C14orf132: variants seen among roughly 807,000 people sequenced by gnomAD.
C14orf132 encodes chromosome 14 open reading frame 132, also known as uncharacterized protein C14orf132.
C14orf132 carries 6 observed loss-of-function variants against 5.8 expected under a neutral mutation model. The observed-to-expected ratio is 1.03, with a 90% confidence interval of 0.57 to 2.04. C14orf132 has a LOEUF of 2.04. C14orf132 is among the 30% of genes most tolerant of loss of function. C14orf132 has a pLI of 0.00. For missense variants in C14orf132, 125 were observed against 115.8 expected, an observed-to-expected ratio of 1.08 and a Z score of -0.37; for synonymous variants, 51 against 49.8, an observed-to-expected ratio of 1.02 and a Z score of -0.10.
chr14:96,065,571 C>G (rs2139663705), intron 1 of C14orf132, among the ~76,000 whole-genome samples: 1 of 152,016 alleles, frequency 6.6e-6, no homozygotes, highest in East Asian at 1.9e-4. Flanking sequence ...CACCCCCCAC[C>G]ACTTTCCCCT....
At position 96,090,776 on chromosome 14, in the gene C14orf132, T is replaced by C. The variant is rs998908269; in HGVS notation, c.*4041T>C. 4.6e-5 allele frequency: 21 copies of C among 456,080 alleles called. No homozygotes were observed. The highest frequency in any genetic ancestry group is 3.8e-4 in the African/African-American group (19 of 50,206). The allele number at this position is 456,080 out of a possible 1,614,324, so 28.3% of individuals were successfully genotyped here. ...TCCAGCCCCGGTTCAGCTGGAAGGC[T>C]TGGAGGCTGGCCAGACCACTCTGGC... On this transcript the variant is annotated 3_prime_UTR_variant, in exon 2 of 2. Coordinates refer to ENST00000555004, the MANE Select transcript of C14orf132 (RefSeq NM_001252507.3).
intron 1 of C14orf132, among the ~76,000 whole-genome samples, chr14:96,046,072 C>T (rs2139642825): frequency 1.3e-5 from 2 of 152,358 alleles, no homozygotes; most frequent in East Asian, 3.9e-4. Flanking sequence ...TTGCATGGTG[C>T]TGGCTCCCCC....
In C14orf132 at chr14:96,091,021, A is replaced by G. The variant is rs923666871; in HGVS notation, c.*4286A>G. 8.8e-6 allele frequency: 4 copies of G among 456,004 alleles called. No homozygotes were observed. Among genetic ancestry groups the G allele is most frequent in the African/African-American group, 8.0e-5 (4 of 50,080 alleles). 28.2% of individuals were successfully genotyped at this position (456,004 alleles called of 1,614,324 possible). On this transcript the variant is annotated 3_prime_UTR_variant, in exon 2 of 2. Transcript: ENST00000555004. Reference sequence around the variant, plus strand: ...TATTTGTGTCTCATTTACTTCTCAAATTGCCCCTGGGGGCAGGAATGAGGA... The same window carrying G: ...TATTTGTGTCTCATTTACTTCTCAAGTTGCCCCTGGGGGCAGGAATGAGGA...
intron 1 of C14orf132, among the ~76,000 whole-genome samples, chr14:96,048,297 A>G (rs1410808608): frequency 1.3e-5 from 2 of 152,188 alleles, no homozygotes; most frequent in Non-Finnish European, 2.9e-5. Flanking sequence ...GATCCACGTT[A>G]TAGACAGTAT....
chr14:96,051,155 A>T, intron 1 of C14orf132: 1 of 398,674 alleles, frequency 2.5e-6, no homozygotes, highest in Middle Eastern at 6.3e-4. Flanking sequence ...ACAAGTGAGG[A>T]TGCCAAATCA....
At chr14:96,052,808 T>C (rs1041718313) in intron 1 of C14orf132, among the ~76,000 whole-genome samples, 8 of 152,038 alleles carry the variant, frequency 5.3e-5, no homozygotes, top group African/African-American at 1.9e-4. Flanking sequence ...TTCTGCGCAG[T>C]ACCCTCTTCT....
chr14:96,062,195 A>G (rs962288724), intron 1 of C14orf132, among the ~76,000 whole-genome samples: 5 of 152,052 alleles, frequency 3.3e-5, no homozygotes, highest in African/African-American at 1.2e-4. Flanking sequence ...AGTCCCTGCC[A>G]TGTGCATATG....
chr14:96,060,801 G>T (rs528387354), intron 1 of C14orf132, among the ~76,000 whole-genome samples: 1 of 152,270 alleles, frequency 6.6e-6, no homozygotes, highest in South Asian at 2.1e-4. Context: ...GTCTAAAGAG[G>T]AATAAATCCC....
chr14:96,070,167 G>A (rs1887662173), intron 1 of C14orf132, among the ~76,000 whole-genome samples: 1 of 152,214 alleles, frequency 6.6e-6, no homozygotes. Context: ...ACAAATGAGG[G>A]TTTTCCGCTG....
chr14:96,078,935 C>A (rs1463863144), intron 1 of C14orf132, among the ~76,000 whole-genome samples: 1 of 152,248 alleles, frequency 6.6e-6, no homozygotes, highest in Non-Finnish European at 1.5e-5. Context: ...GGGGCTTCAG[C>A]CCTCCCCGTC....
In C14orf132 at chr14:96,090,125, G is replaced by A. The variant is rs1404464015; in HGVS notation, c.*3390G>A. 6.4e-6 allele frequency: 1 copy of A among 157,400 alleles called. No individual in the cohort carries two copies. Among genetic ancestry groups the A allele is most frequent in the African/African-American group, 2.4e-5 (1 of 41,448 alleles). The allele number at this position is 157,400 out of a possible 1,614,324, so 9.8% of individuals were successfully genotyped here. A position where few individuals can be genotyped will look rare whatever the true frequency, so the allele number is the denominator to read the frequency against. Reference sequence around the variant, plus strand: ...GATTCAAAAGAGCAACTTAGGCTGGGTGCAGTGACTCACACCCGTAATCCC... The same window carrying A: ...GATTCAAAAGAGCAACTTAGGCTGGATGCAGTGACTCACACCCGTAATCCC... On this transcript the variant is annotated 3_prime_UTR_variant, in exon 2 of 2. Transcript: ENST00000555004.
At chr14:96,053,788 G>A (rs1175672863) in intron 1 of C14orf132, among the ~76,000 whole-genome samples, 8 of 152,154 alleles carry the variant, frequency 5.3e-5, no homozygotes, top group Non-Finnish European at 7.3e-5. Flanking sequence ...GCCCACTGTG[G>A]GAGGAGGTAC....
At chr14:96,072,434 G>A (rs1024454782) in intron 1 of C14orf132, among the ~76,000 whole-genome samples, 4 of 152,152 alleles carry the variant, frequency 2.6e-5, no homozygotes, top group African/African-American at 4.8e-5. Flanking sequence ...GGTGAACGCC[G>A]GGCTTGCCAC....
intron 1 of C14orf132, among the ~76,000 whole-genome samples, chr14:96,057,999 C>T (rs1400528680): frequency 6.6e-6 from 1 of 152,234 alleles, no homozygotes; most frequent in Non-Finnish European, 1.5e-5. Flanking sequence ...GTGCTGGGCT[C>T]TCCGTTGAAC....
At chr14:96,070,379 C>T (rs182873738) in intron 1 of C14orf132, among the ~76,000 whole-genome samples, 35 of 152,228 alleles carry the variant, frequency 2.3e-4, no homozygotes, top group African/African-American at 7.0e-4. Context: ...TTTCTGGAGA[C>T]GGTTACCTAT....
chr14:96,055,203 A>G (rs962276859), intron 1 of C14orf132, among the ~76,000 whole-genome samples: 1 of 152,168 alleles, frequency 6.6e-6, no homozygotes, highest in Admixed American at 6.5e-5. Context: ...CCATGGGGCA[A>G]TGTGGAGCAG....
rs1199978832 is a variant in C14orf132, at chr14:96,039,949, G to C, written c.27+422G>C. ...CCCTTCCCCACTCTGTTTTCCCGAG[G>C]CGCCAGTAATCTGTCTCTTGCCGGT... On this transcript the variant is annotated intron_variant, in intron 1 of 1. Transcript: ENST00000555004. This position sits in a 1 kb window ranked among gnomAD's most constrained non-coding sequence, Gnocchi z 5.3. Among the ~76,000 whole-genome samples, 1 of 152,188 alleles carries C rather than the reference G, an allele frequency of 6.6e-6. No individual in the cohort carries two copies. Among genetic ancestry groups the C allele is most frequent in the East Asian group, 1.9e-4 (1 of 5,184 alleles).
At chr14:96,049,042 G>A (rs10873467) in intron 1 of C14orf132, among the ~76,000 whole-genome samples, 97,711 of 151,862 alleles carry the variant, frequency 0.64, 31,653 homozygotes, top group East Asian at 0.89. Context: ...CTCCTGCCTC[G>A]GCATCCCGAG....
Position 96,049,609 on chromosome 14 carries a change from T to C in C14orf132, c.27+10082T>C, listed in dbSNP as rs1473587565. Among the ~76,000 whole-genome samples the C allele has an allele frequency of 2.5e-5, 3 of 119,108 alleles. No individual in the cohort carries two copies. In the Admixed American group the frequency reaches 2.7e-4, roughly 11 times the overall value. 78.1% of individuals were successfully genotyped at this position (119,108 alleles called of 152,430 possible). ...ATATATACATATATACGTATATATATACATATATACGTATATATATACATA... is the reference window on the plus strand; with the variant it reads ...ATATATACATATATACGTATATATACACATATATACGTATATATATACATA... On this transcript the variant is annotated intron_variant, in intron 1 of 1. Coordinates refer to ENST00000555004, the MANE Select transcript of C14orf132 (RefSeq NM_001252507.3).
Sources: gnomAD v4.1 joint callset for allele counts (sites outside exome capture counted in the v4.1 genomes callset) on GRCh38, gnomAD v4.1.1 for gene constraint, Gnocchi (gnomAD v3.1) non-coding constraint, MANE v1.5 for transcripts, NCBI Gene and HGNC (gene_info 2026-07-23, HGNC 2026-07-21) for gene names.